The following ARHGAP19 variants were observed in gnomAD, a reference collection of about 807,000 sequenced individuals.
ARHGAP19 encodes Rho GTPase activating protein 19.
In ARHGAP19, 48 loss-of-function variants were observed where a neutral mutation model predicts 60.9. The observed-to-expected ratio is 0.79, with a 90% confidence interval of 0.62 to 1.00. The LOEUF (loss-of-function observed/expected upper bound fraction) is 1.00. Ranked by LOEUF, ARHGAP19 falls within the 50% of genes least tolerant of loss-of-function variation. The pLI is 0.00. For missense variants in ARHGAP19, 562 were observed against 597.2 expected (o/e 0.94, Z 0.61); for synonymous variants, 209 against 215.5 (o/e 0.97, Z 0.27).
Position 97,272,556 on chromosome 10 carries a change from C to T in ARHGAP19, c.57-6431G>A, listed in dbSNP as rs569037527. 5.3e-5 allele frequency among the ~76,000 whole-genome samples: 8 copies of T among 152,314 alleles called. No homozygotes were observed. In the South Asian group the frequency reaches 1.7e-3, roughly 32 times the overall value. ...CTTTGTGAAAAAGTTTTTCATTACA[C>T]ATTCCACTTATTTTGTGTTATGGGA... On this transcript the variant is annotated intron_variant, in intron 1 of 11. Transcript: ENST00000358531.
At chr10:97,253,541 G>T (rs756604792) in intron 6 of ARHGAP19, among the ~76,000 whole-genome samples, 1 of 152,154 alleles carries the variant, frequency 6.6e-6, no homozygotes, top group African/African-American at 2.4e-5. Flanking sequence ...CAAACATGTA[G>T]TGAGATAGAA....
intron 1 of ARHGAP19, among the ~76,000 whole-genome samples, chr10:97,289,631 T>C (rs1218481163): frequency 1.3e-5 from 2 of 151,848 alleles, no homozygotes; most frequent in African/African-American, 2.4e-5. Flanking sequence ...TGCCAGGAAC[T>C]CAAGACCACC....
At chr10:97,264,726 T>C (rs74504549) in intron 3 of ARHGAP19, 100 bp downstream of exon 3, 38,037 of 774,734 alleles carry the variant, frequency 0.049, 1,151 homozygotes, top group Non-Finnish European at 0.062. Context: ...GTTCCTTTGT[T>C]GATGGTTAAT....
rs185929111 is a variant in ARHGAP19 at position 97,277,948 on chromosome 10, A to T, written c.57-11823T>A. 3.9e-5 allele frequency: 6 copies of T among 152,378 alleles called. No individual in the cohort carries two copies. In the East Asian group the frequency reaches 1.2e-3, roughly 29 times the overall value. 9.4% of individuals were successfully genotyped at this position (152,378 alleles called of 1,614,324 possible). ...ATTATAATTCCCATTTTCCAGAGTT[A>T]AAACCACAAGTCTGCCTTTCTCTTC... On this transcript the variant is annotated intron_variant, in intron 1 of 11. Coordinates refer to ENST00000358531, the MANE Select transcript of ARHGAP19 (RefSeq NM_032900.6).
chr10:97,254,437 GAC>G (rs1842727775), intron 6 of ARHGAP19, among the ~76,000 whole-genome samples: 1 of 152,138 alleles, frequency 6.6e-6, no homozygotes, highest in South Asian at 2.1e-4. Flanking sequence ...ATGGAGAAAG[GAC>G]AGTTTCTTCA....
chr10:97,255,552 G>T (rs1842741909), intron 6 of ARHGAP19, among the ~76,000 whole-genome samples: 1 of 152,136 alleles, frequency 6.6e-6, no homozygotes, highest in Admixed American at 6.5e-5. Flanking sequence ...ACTCCAGCCT[G>T]GGCGACAGAG....
chr10:97,291,357 G>A (rs1843229252), intron 1 of ARHGAP19, among the ~76,000 whole-genome samples: 1 of 152,144 alleles, frequency 6.6e-6, no homozygotes, highest in Admixed American at 6.6e-5. Context: ...GTCTTGCTCT[G>A]TCACCCAGGG....
intron 8 of ARHGAP19, among the ~76,000 whole-genome samples, chr10:97,237,551 T>C (rs1460872146): frequency 1.3e-5 from 2 of 152,086 alleles, no homozygotes; most frequent in African/African-American, 2.4e-5. Flanking sequence ...TACATACCAT[T>C]ATATACAGTA....
intron 6 of ARHGAP19, among the ~76,000 whole-genome samples, chr10:97,253,997 T>C (rs959840194): frequency 1.2e-4 from 19 of 152,150 alleles, no homozygotes; most frequent in African/African-American, 4.3e-4. Context: ...TATAAAATAC[T>C]ACTGAAAGGA....
At chr10:97,251,794 A>G (rs1177136430) in intron 6 of ARHGAP19, among the ~76,000 whole-genome samples, 2 of 107,768 alleles carry the variant, frequency 1.9e-5, no homozygotes, top group Admixed American at 9.5e-5. Flanking sequence ...AAGGGGAAGA[A>G]AAGGAAAGAA....
intron 6 of ARHGAP19, among the ~76,000 whole-genome samples, chr10:97,254,652 A>C (rs969707073): frequency 1.3e-5 from 2 of 152,220 alleles, no homozygotes; most frequent in Non-Finnish European, 2.9e-5. Context: ...ATGACACCAA[A>C]GGCACAGGCA....
chr10:97,231,059 C>CAAAAAAAAAAAAAAAAAAAAAAAA (rs869291841), intron 9 of ARHGAP19, among the ~76,000 whole-genome samples: 17 of 59,764 alleles, frequency 2.8e-4, no homozygotes, highest in African/African-American at 9.1e-4. Flanking sequence ...CTTGTCTCAC[C>CAAAAAAAAAAAAAAAAAAAAAAAA]AAAAAAAAAA....
chr10:97,227,598 G>A (rs1850921668), intron 11 of ARHGAP19, among the ~76,000 whole-genome samples: 2 of 152,236 alleles, frequency 1.3e-5, no homozygotes, highest in South Asian at 4.1e-4. Flanking sequence ...GGCATTTCCA[G>A]ATAGAGGAAG....
At chr10:97,226,206 C>A in intron 11 of ARHGAP19, 74 bp from the exon 12 acceptor site, 2 of 1,434,556 alleles carry the variant, frequency 1.4e-6, no homozygotes, top group Non-Finnish European at 1.9e-6. Flanking sequence ...CACTCAAAAG[C>A]TACAGGGTCT....
chr10:97,291,985 A>C (rs1383072081), intron 1 of ARHGAP19, among the ~76,000 whole-genome samples: 4 of 152,204 alleles, frequency 2.6e-5, no homozygotes, highest in African/African-American at 9.6e-5. Context: ...AGGAAGAAGA[A>C]AATCTATTGC....
At chr10:97,240,599 C>A (rs1347923379) in intron 8 of ARHGAP19, among the ~76,000 whole-genome samples, 3 of 152,094 alleles carry the variant, frequency 2.0e-5, no homozygotes, top group African/African-American at 7.2e-5. Context: ...TGCAGTCAGG[C>A]GAGATCACGC....
Position 97,286,695 on chromosome 10 carries a change from C to T in ARHGAP19, c.56+5877G>A, listed in dbSNP as rs563143640. ...ACCCTTTCCACATCTTCAGACACCTCCCCTGTCCTCCAGAAACATTTCCAG... is the reference window on the plus strand; with the variant it reads ...ACCCTTTCCACATCTTCAGACACCTTCCCTGTCCTCCAGAAACATTTCCAG... On this transcript the variant is annotated intron_variant, in intron 1 of 11. Coordinates refer to ENST00000358531, the MANE Select transcript of ARHGAP19 (RefSeq NM_032900.6). 2.6e-5 allele frequency among the ~76,000 whole-genome samples: 4 copies of T among 152,326 alleles called. No individual in the cohort carries two copies. In the East Asian group the frequency reaches 7.7e-4, roughly 29 times the overall value.
intron 7 of ARHGAP19, among the ~76,000 whole-genome samples, chr10:97,245,837 C>T (rs1182579454): frequency 6.6e-6 from 1 of 152,062 alleles, no homozygotes. Context: ...TTATGAAAAA[C>T]CTTGAAACAC....
At chr10:97,287,320 T>C (rs1008129676) in intron 1 of ARHGAP19, among the ~76,000 whole-genome samples, 5 of 152,142 alleles carry the variant, frequency 3.3e-5, no homozygotes, top group African/African-American at 1.2e-4. Context: ...GTATAAGAAA[T>C]GAAATGTGTT....
Sources: allele counts gnomAD v4.1 joint callset (sites outside exome capture counted in the v4.1 genomes callset), GRCh38; gene constraint gnomAD v4.1.1; transcripts MANE v1.5; gene names NCBI Gene and HGNC (gene_info 2026-07-23, HGNC 2026-07-21).